Variants in ZNF718 observed in about 807,000 individuals in gnomAD.
The protein encoded by ZNF718 is zinc finger protein 718.
In ZNF718, 3 loss-of-function variants were observed where a neutral mutation model predicts 2.6. The observed-to-expected ratio is 1.16, with a 90% CI of 0.53 to 3.01. The LOEUF is 3.01. Among genes scored for constraint, ZNF718 ranks in the 30% most tolerant of loss-of-function variants. The pLI, the probability that ZNF718 is intolerant of heterozygous loss-of-function variation, is 0.03. For missense variants in ZNF718, 468 were observed against 230.0 expected, an observed-to-expected ratio of 2.03 and a Z score of -6.69; for synonymous variants, 135 against 77.9, an observed-to-expected ratio of 1.73 and a Z score of -3.86.
chr4:154,406 A>G (rs1454327343), intron 3 of ZNF718, among the ~76,000 whole-genome samples: 1 of 152,178 alleles, frequency 6.6e-6, no homozygotes, highest in Admixed American at 6.5e-5. Flanking sequence ...AAAATGTGGG[A>G]AAGTTTGGAA....
intron 3 of ZNF718, among the ~76,000 whole-genome samples, chr4:135,356 A>T (rs372014116): frequency 6.6e-6 from 1 of 152,004 alleles, no homozygotes; most frequent in Non-Finnish European, 1.5e-5. Context: ...TTGGTTTTAT[A>T]CATTTTAAGG....
intron 3 of ZNF718, among the ~76,000 whole-genome samples, chr4:135,239 T>A (rs1242601430): frequency 3.7e-5 from 5 of 135,644 alleles, no homozygotes; most frequent in Non-Finnish European, 3.1e-5. Flanking sequence ...ACTCTTGTCT[T>A]AAAAAAAAAA....
intron 3 of ZNF718, among the ~76,000 whole-genome samples, chr4:138,872 A>G (rs1394285182): frequency 2.0e-5 from 3 of 152,004 alleles, no homozygotes; most frequent in South Asian, 2.1e-4. Flanking sequence ...TTTGATTTGC[A>G]TTTCTCTGAT....
At chr4:137,128 A>C (rs1381607548) in intron 3 of ZNF718, among the ~76,000 whole-genome samples, 1 of 151,376 alleles carries the variant, frequency 6.6e-6, no homozygotes, top group Non-Finnish European at 1.5e-5. Flanking sequence ...GAGGTGACTC[A>C]CTCTTTGTTT....
At chr4:188,981 T>C (rs1410303240) in intron 3 of ZNF718, among the ~76,000 whole-genome samples, 3 of 151,882 alleles carry the variant, frequency 2.0e-5, no homozygotes, top group Admixed American at 6.6e-5. Flanking sequence ...TGCACATCCA[T>C]ATAGAATTTA....
intron 3 of ZNF718, among the ~76,000 whole-genome samples, chr4:146,201 A>G (rs1334461809): frequency 1.3e-5 from 2 of 151,840 alleles, no homozygotes; most frequent in African/African-American, 4.8e-5. Flanking sequence ...TTTGTAAGAC[A>G]GGTCTAGTGA....
chr4:152,705 C>T (rs1306413965), intron 3 of ZNF718, among the ~76,000 whole-genome samples: 1 of 152,068 alleles, frequency 6.6e-6, no homozygotes, highest in Non-Finnish European at 1.5e-5. Context: ...TTGCTTTTCC[C>T]CACAAACCAA....
chr4:180,270 A>G (rs1553819632), intron 3 of ZNF718, among the ~76,000 whole-genome samples: 1 of 152,202 alleles, frequency 6.6e-6, no homozygotes, highest in East Asian at 1.9e-4. Context: ...GTCTAACAAT[A>G]TTTTACTTTG....
downstream of ZNF718, among the ~76,000 whole-genome samples, chr4:166,115 C>T (rs1210067731): frequency 1.3e-5 from 2 of 152,110 alleles, no homozygotes; most frequent in Non-Finnish European, 2.9e-5. Context: ...GTTTTTTGTC[C>T]TTGCAATAGT....
exon 4 of ZNF718, chr4:201,118 A>G (rs1398353205): frequency 6.6e-6 from 1 of 152,234 alleles, no homozygotes; most frequent in Non-Finnish European, 1.5e-5. Context: ...AAAGTGCAAC[A>G]GCACACTGAG....
chr4:149,124 A>T (rs1015540422), intron 3 of ZNF718, among the ~76,000 whole-genome samples: 12 of 151,838 alleles, frequency 7.9e-5, no homozygotes, highest in African/African-American at 2.9e-4. Context: ...TTGCTATGTC[A>T]CTCCCCTTGT....
chr4:162,944 A>G lies in ZNF718; in HGVS notation c.*822A>G, dbSNP rs943491416. The stretch of plus-strand genomic sequence containing the variant: ...AGTATATCAGAGTGTAAAGTATAAA[A>G]AAATTCCAAAGCTGAAACTGTTAGA... On this transcript the variant is annotated 3_prime_UTR_variant, in exon 4 of 4. Transcript: ENST00000510175. 3.3e-5 allele frequency: 5 copies of G among 152,214 alleles called. No individual in the cohort carries two copies. The East Asian group carries it at 9.6e-4, about 29-fold the overall frequency. The allele number at this position is 152,214 out of a possible 1,614,324, so 9.4% of individuals were successfully genotyped here.
intron 3 of ZNF718, among the ~76,000 whole-genome samples, chr4:184,978 G>GT (rs1560131406): frequency 6.6e-6 from 1 of 151,934 alleles, no homozygotes; most frequent in African/African-American, 2.4e-5. Flanking sequence ...ATTTTGAAGG[G>GT]TTTTTTTGTG....
intron 3 of ZNF718, among the ~76,000 whole-genome samples, chr4:184,077 T>C (rs1717518304): frequency 1.3e-5 from 2 of 152,194 alleles, no homozygotes; most frequent in South Asian, 2.1e-4. Flanking sequence ...GGCATCCTTA[T>C]CTTGTGCTGA....
chr4:137,720 G>T (rs782676118), intron 3 of ZNF718, among the ~76,000 whole-genome samples: 1 of 151,250 alleles, frequency 6.6e-6, no homozygotes, highest in African/African-American at 2.4e-5. Flanking sequence ...GTTTATTCTG[G>T]GTGTTAACTT....
At chr4:125,995 A>T (rs1384487148) in intron 1 of ZNF718, among the ~76,000 whole-genome samples, 1 of 152,112 alleles carries the variant, frequency 6.6e-6, no homozygotes, top group Admixed American at 6.5e-5. Flanking sequence ...GCCTTTATGG[A>T]CTCAGGAATC....
At chr4:159,991 T>C (rs1009821051) in intron 3 of ZNF718, among the ~76,000 whole-genome samples, 4 of 152,172 alleles carry the variant, frequency 2.6e-5, no homozygotes, top group African/African-American at 7.2e-5. Context: ...GTCTAGAATT[T>C]TGTGTTTATT....
downstream of ZNF718, among the ~76,000 whole-genome samples, chr4:166,585 T>C (rs1553816877): frequency 6.6e-6 from 1 of 152,250 alleles, no homozygotes; most frequent in African/African-American, 2.4e-5. Flanking sequence ...TTGATTTGCA[T>C]TTCTCTGATG....
chr4:193,968 G>A (rs1717743566), intron 3 of ZNF718, among the ~76,000 whole-genome samples: 1 of 152,158 alleles, frequency 6.6e-6, no homozygotes, highest in Non-Finnish European at 1.5e-5. Flanking sequence ...ACTGGAAGCA[G>A]CCCCTATTAG....
Sources: gnomAD v4.1 joint callset for allele counts (sites outside exome capture counted in the v4.1 genomes callset) on GRCh38, gnomAD v4.1.1 for gene constraint, MANE v1.5 for transcripts, NCBI Gene and HGNC (gene_info 2026-07-23, HGNC 2026-07-21) for gene names.